PDGFD: variants seen among roughly 807,000 people sequenced by gnomAD.
PDGFD encodes the protein platelet-derived growth factor D.
PDGFD carries 30 observed loss-of-function variants against 44.7 expected under a neutral mutation model. The observed-to-expected ratio is 0.67, with a 90% CI of 0.50 to 0.91. PDGFD has a LOEUF of 0.91. Among genes scored for constraint, PDGFD ranks in the 40% least tolerant of loss-of-function variants. The probability of loss-of-function intolerance (pLI) is 0.00; values close to 1 mark genes in which losing one functional copy is unlikely to be tolerated. For synonymous variants in PDGFD, 173 were observed against 168.4 expected, an observed-to-expected ratio of 1.03 and a Z score of -0.21; for missense variants, 445 against 457.8, an observed-to-expected ratio of 0.97 and a Z score of 0.25.
At chr11:103,935,120 T>C (rs1183405655) in intron 5 of PDGFD, among the ~76,000 whole-genome samples, 2 of 152,226 alleles carry the variant, frequency 1.3e-5, no homozygotes, top group Non-Finnish European at 2.9e-5. Context: ...AAGTTACCTA[T>C]GGCTTTCCAC....
At chr11:104,146,620 A>G (rs927800816) in intron 1 of PDGFD, among the ~76,000 whole-genome samples, 1 of 152,190 alleles carries the variant, frequency 6.6e-6, no homozygotes, top group Non-Finnish European at 1.5e-5. Context: ...AAATTAGGCA[A>G]CAGGACCTTG....
chr11:104,161,280 C>A (rs1414148744), intron 1 of PDGFD, among the ~76,000 whole-genome samples: 1 of 152,138 alleles, frequency 6.6e-6, no homozygotes, highest in Non-Finnish European at 1.5e-5. Flanking sequence ...ATTCCATGTT[C>A]ATGTCCTCCT....
rs1346764486 is a variant in PDGFD, at chr11:104,121,578, AG to A, written c.124+42225del. On this transcript the variant is annotated intron_variant, in intron 1 of 6. Coordinates refer to ENST00000393158, the MANE Select transcript of PDGFD (RefSeq NM_025208.5). ...TTACTACAAAATGAAATAATAAAAA[AG>A]AAAAACCTACAAGAATACAAGTTCC... Among the ~76,000 whole-genome samples, 6 of 152,116 alleles carry A rather than the reference AG, an allele frequency of 3.9e-5. No homozygotes were observed. In the East Asian group the frequency reaches 9.6e-4, roughly 24 times the overall value.
chr11:104,148,802 T>A (rs1237964211), intron 1 of PDGFD, among the ~76,000 whole-genome samples: 1 of 152,132 alleles, frequency 6.6e-6, no homozygotes, highest in Non-Finnish European at 1.5e-5. Flanking sequence ...TGTCCATGTG[T>A]TCTCATAACT....
At chr11:103,966,846 T>A (rs1859028040) in intron 3 of PDGFD, among the ~76,000 whole-genome samples, 1 of 152,210 alleles carries the variant, frequency 6.6e-6, no homozygotes, top group South Asian at 2.1e-4. Context: ...CTGATAACCC[T>A]TGATGCTTTC....
chr11:104,098,843 A>G (rs1444398813), intron 1 of PDGFD, among the ~76,000 whole-genome samples: 1 of 152,122 alleles, frequency 6.6e-6, no homozygotes, highest in Admixed American at 6.6e-5. Flanking sequence ...ACAAAAAGGA[A>G]GAAAAATGCA....
At chr11:104,021,987 C>G (rs1435064911) in intron 1 of PDGFD, among the ~76,000 whole-genome samples, 1 of 152,112 alleles carries the variant, frequency 6.6e-6, no homozygotes, top group Non-Finnish European at 1.5e-5. Context: ...GACTCTGATA[C>G]AAGGAAACAA....
At chr11:104,143,096 G>A (rs1203188596) in intron 1 of PDGFD, among the ~76,000 whole-genome samples, 1 of 152,066 alleles carries the variant, frequency 6.6e-6, no homozygotes, top group African/African-American at 2.4e-5. Flanking sequence ...ATAACAATAG[G>A]ATATTGTCGT....
At chr11:104,135,451 G>C (rs763104635) in intron 1 of PDGFD, among the ~76,000 whole-genome samples, 1 of 152,184 alleles carries the variant, frequency 6.6e-6, no homozygotes, top group Non-Finnish European at 1.5e-5. Context: ...CCAGAAATAA[G>C]AGAACATGCT....
At chr11:103,918,635 G>C (rs1030301140) in intron 6 of PDGFD, among the ~76,000 whole-genome samples, 1 of 152,028 alleles carries the variant, frequency 6.6e-6, no homozygotes, top group Admixed American at 6.6e-5. Context: ...ACGTGAGCAC[G>C]GTATATATGT....
At chr11:103,964,003 G>A (rs910405684) in intron 3 of PDGFD, among the ~76,000 whole-genome samples, 1 of 152,048 alleles carries the variant, frequency 6.6e-6, no homozygotes, top group African/African-American at 2.4e-5. Context: ...TAGAGGTACT[G>A]TGTCGCCCAT....
At chr11:104,018,471 G>C (rs1378714108) in intron 1 of PDGFD, among the ~76,000 whole-genome samples, 1 of 152,190 alleles carries the variant, frequency 6.6e-6, no homozygotes, top group Non-Finnish European at 1.5e-5. Flanking sequence ...TTCGTTAACT[G>C]AGTGGGTTCA....
At chr11:104,064,270 C>T (rs1322430440) in intron 1 of PDGFD, among the ~76,000 whole-genome samples, 2 of 152,182 alleles carry the variant, frequency 1.3e-5, no homozygotes, top group Non-Finnish European at 1.5e-5. Context: ...ATTAAATCAC[C>T]CCATGTGATA....
At chr11:104,082,945 C>T (rs931735980) in intron 1 of PDGFD, among the ~76,000 whole-genome samples, 1 of 152,146 alleles carries the variant, frequency 6.6e-6, no homozygotes, top group African/African-American at 2.4e-5. Context: ...AACATCCTAT[C>T]CTGTCTCTTA....
At chr11:104,113,592 T>G (rs1049520451) in intron 1 of PDGFD, among the ~76,000 whole-genome samples, 3 of 151,706 alleles carry the variant, frequency 2.0e-5, no homozygotes, top group African/African-American at 4.8e-5. Flanking sequence ...CTGCAGTGTT[T>G]TTTTTTTTTT....
At position 104,010,111 on chromosome 11, in the gene PDGFD, T is replaced by A. The variant is rs369581938; in HGVS notation, c.125-9856A>T. 1.7e-4 allele frequency among the ~76,000 whole-genome samples: 26 copies of A among 152,116 alleles called. No homozygotes were observed. In the South Asian group the frequency reaches 4.0e-3, roughly 23 times the overall value. ...TTCTCCAGCAGAGATTTTTCTAAGA[T>A]CTCAGTAGTAATACAAAACTTTTCT... On this transcript the variant is annotated intron_variant, in intron 1 of 6. Transcript: ENST00000393158.
chr11:103,938,182 T>C (rs1250093226), intron 5 of PDGFD, among the ~76,000 whole-genome samples: 1 of 152,060 alleles, frequency 6.6e-6, no homozygotes, highest in African/African-American at 2.4e-5. Context: ...AGTGTAAAAG[T>C]GTTCCTATTT....
At chr11:104,028,175 G>C (rs1196597942) in intron 1 of PDGFD, among the ~76,000 whole-genome samples, 1 of 135,132 alleles carries the variant, frequency 7.4e-6, no homozygotes, top group Non-Finnish European at 1.6e-5. Flanking sequence ...GGGCAACAGA[G>C]CGAGACTCCG....
At chr11:104,034,039 C>G (rs1171233111) in intron 1 of PDGFD, among the ~76,000 whole-genome samples, 4 of 152,202 alleles carry the variant, frequency 2.6e-5, no homozygotes, top group Admixed American at 1.3e-4. Context: ...CATCTTCCTT[C>G]TCACCTTTGT....
Sources: gnomAD v4.1 joint callset for allele counts (sites outside exome capture counted in the v4.1 genomes callset) on GRCh38, gnomAD v4.1.1 for gene constraint, MANE v1.5 for transcripts, NCBI Gene and HGNC (gene_info 2026-07-23, HGNC 2026-07-21) for gene names.